The following GYG2 variants were observed in gnomAD, a reference collection of about 807,000 sequenced individuals.
GYG2 encodes the protein glycogenin-2.
In GYG2, 29 loss-of-function variants were observed where a neutral mutation model predicts 29.4. That is an observed-to-expected ratio of 0.99 (90% CI 0.74 to 1.35). GYG2 has a LOEUF of 1.35. Ranked by LOEUF, GYG2 falls within the 40% of genes most tolerant of loss-of-function variation. The pLI is 0.00. For synonymous variants in GYG2, 167 were observed against 172.3 expected, an observed-to-expected ratio of 0.97 and a Z score of 0.24; for missense variants, 370 against 385.7, an observed-to-expected ratio of 0.96 and a Z score of 0.34.
chrX:2,858,332 G>A (rs889767845), intron 6 of GYG2, among the ~76,000 whole-genome samples: 17 of 111,139 alleles, frequency 1.5e-4, no homozygotes, highest in African/African-American at 5.6e-4. Flanking sequence ...CGAATGTGGT[G>A]TCGCACACCG....
intron 8 of GYG2, among the ~76,000 whole-genome samples, chrX:2,874,406 C>T (rs2088547475): frequency 8.9e-6 from 1 of 112,661 alleles, no homozygotes; most frequent in African/African-American, 3.2e-5. Context: ...AGCCTTCAGG[C>T]TTCATTTTAG....
chrX:2,881,232 T>C lies in GYG2; in HGVS notation c.*19T>C. 8.7e-7 allele frequency: 1 copy of C among 1,148,033 alleles called. No homozygotes were observed. Among genetic ancestry groups the C allele is most frequent in the Non-Finnish European group, 1.2e-6 (1 of 859,227 alleles). 94.6% of individuals were successfully genotyped at this position (1,148,033 alleles called of 1,213,427 possible). On this transcript the variant is annotated 3_prime_UTR_variant, in exon 11 of 11. Transcript: ENST00000398806. Reference sequence around the variant, plus strand: ...GCAGTAATCCGGCAGCTGGTGGGCGTTGTGTGTAGTTAGACAATGTCCTGT... The same window carrying C: ...GCAGTAATCCGGCAGCTGGTGGGCGCTGTGTGTAGTTAGACAATGTCCTGT...
chrX:2,856,104 G>T (rs1346124358), intron 5 of GYG2, among the ~76,000 whole-genome samples: 1 of 111,967 alleles, frequency 8.9e-6, no homozygotes, highest in Admixed American at 9.6e-5. Flanking sequence ...TTTTTGTAAA[G>T]TAAAAGAAAA....
Position 2,881,238 on chromosome X carries a change from G to A in GYG2, c.*25G>A, listed in dbSNP as rs368784786. 1.7e-4 allele frequency: 191 copies of A among 1,135,978 alleles called. 1 individual carries two copies. The highest frequency in any genetic ancestry group is 2.2e-4 in the Non-Finnish European group (184 of 850,933). 93.6% of individuals were successfully genotyped at this position (1,135,978 alleles called of 1,213,427 possible). A position where few individuals can be genotyped will look rare whatever the true frequency, so the allele number is the denominator to read the frequency against. ...ATCCGGCAGCTGGTGGGCGTTGTGTGTAGTTAGACAATGTCCTGTTGGGTG... is the reference window on the plus strand; with the variant it reads ...ATCCGGCAGCTGGTGGGCGTTGTGTATAGTTAGACAATGTCCTGTTGGGTG... On this transcript the variant is annotated 3_prime_UTR_variant, in exon 11 of 11. Transcript: ENST00000398806.
At chrX:2,841,550 T>C (rs1430981620) in intron 2 of GYG2, among the ~76,000 whole-genome samples, 1 of 111,606 alleles carries the variant, frequency 9.0e-6, no homozygotes, top group Non-Finnish European at 1.9e-5. Flanking sequence ...CCAATGGAGA[T>C]GTCAGGAATT....
intron 6 of GYG2, among the ~76,000 whole-genome samples, 195 bp downstream of exon 6, chrX:2,856,819 C>T (rs2088013563): frequency 2.3e-5 from 2 of 85,522 alleles, no homozygotes; most frequent in African/African-American, 8.7e-5. Flanking sequence ...TCTATCACCT[C>T]TATCTAGGTA....
intron 10 of GYG2, among the ~76,000 whole-genome samples, chrX:2,880,617 GA>G (rs1480342026): frequency 8.9e-6 from 1 of 112,101 alleles, no homozygotes; most frequent in Non-Finnish European, 1.9e-5. Flanking sequence ...TAGCTCAAAA[GA>G]AAAGTGCTGC....
intron 3 of GYG2, among the ~76,000 whole-genome samples, chrX:2,843,626 C>A (rs1014137373): frequency 3.6e-5 from 4 of 111,683 alleles, no homozygotes; most frequent in African/African-American, 1.3e-4. Flanking sequence ...AAATTCAATT[C>A]TTTTTTGTTT....
intron 2 of GYG2, among the ~76,000 whole-genome samples, chrX:2,834,355 A>G (rs1460315049): frequency 9.1e-6 from 1 of 110,420 alleles, no homozygotes; most frequent in African/African-American, 3.3e-5. Context: ...GCGCAGAGGT[A>G]TGCCCTATCT....
intron 8 of GYG2, among the ~76,000 whole-genome samples, chrX:2,866,896 A>G (rs1005686477): frequency 9.0e-6 from 1 of 110,990 alleles, no homozygotes; most frequent in African/African-American, 3.3e-5. Flanking sequence ...GGTTTCATCC[A>G]CAGCAAGAGA....
At chrX:2,878,488 TC>T (rs1190306412) in intron 10 of GYG2, among the ~76,000 whole-genome samples, 19 of 111,307 alleles carry the variant, frequency 1.7e-4, no homozygotes, top group Non-Finnish European at 3.0e-4. Context: ...CAGGCTGGTC[TC>T]GAACACCTGG....
At chrX:2,840,286 T>C (rs973815143) in intron 2 of GYG2, among the ~76,000 whole-genome samples, 1 of 111,322 alleles carries the variant, frequency 9.0e-6, no homozygotes, top group Non-Finnish European at 1.9e-5. Context: ...CATTGTGTGA[T>C]TTTCGAGGTC....
At chrX:2,861,308 G>A (rs1002625317) in intron 7 of GYG2, among the ~76,000 whole-genome samples, 3 of 111,564 alleles carry the variant, frequency 2.7e-5, no homozygotes, top group African/African-American at 9.8e-5. Flanking sequence ...GGATTACTAA[G>A]TACTGGATTA....
chrX:2,860,116 C>G (rs1242361750), intron 7 of GYG2, 51 bp downstream of exon 7: 1 of 813,225 alleles, frequency 1.2e-6, no homozygotes, highest in African/African-American at 2.0e-5. Flanking sequence ...GGAGAACATC[C>G]TTGTCACCAA....
At chrX:2,859,118 C>G (rs1166606104) in intron 6 of GYG2, among the ~76,000 whole-genome samples, 1 of 111,685 alleles carries the variant, frequency 9.0e-6, no homozygotes, top group Non-Finnish European at 1.9e-5. Flanking sequence ...TGCAAAATAA[C>G]TGCAAATGAA....
chrX:2,844,914 ATACC>A (rs2087629717), intron 3 of GYG2, among the ~76,000 whole-genome samples: 1 of 106,307 alleles, frequency 9.4e-6, no homozygotes. Flanking sequence ...ACATGTATGT[ATACC>A]TGTATGTATA....
intron 10 of GYG2, 28 bp downstream of exon 10, chrX:2,877,335 A>G (rs1229507378): frequency 8.3e-7 from 1 of 1,201,670 alleles, no homozygotes; most frequent in South Asian, 1.8e-5. Context: ...CCCCTTGCCC[A>G]AGGCTCCCGG....
chrX:2,846,286 C>T (rs1282509214), intron 3 of GYG2, among the ~76,000 whole-genome samples: 1 of 105,207 alleles, frequency 9.5e-6, no homozygotes, highest in Non-Finnish European at 1.9e-5. Flanking sequence ...AGGCTGGTCT[C>T]GAACGCCTGA....
intron 3 of GYG2, among the ~76,000 whole-genome samples, chrX:2,847,719 TAAATAAATAAATAA>T: frequency 9.9e-6 from 1 of 100,649 alleles, no homozygotes; most frequent in Non-Finnish European, 1.9e-5. Flanking sequence ...AATAAATAAA[TAAATAAATAAATAA>T]ATAAATAAAT....
Sources: gnomAD v4.1 joint callset for allele counts (sites outside exome capture counted in the v4.1 genomes callset) on GRCh38, gnomAD v4.1.1 for gene constraint, MANE v1.5 for transcripts, NCBI Gene and HGNC (gene_info 2026-07-23, HGNC 2026-07-21) for gene names.